Variants in NRXN1 observed in about 807,000 individuals in gnomAD.
NRXN1 encodes the protein neurexin-1.
Under a neutral mutation model 150.9 loss-of-function variants are expected in NRXN1, and 39 were observed. That is an observed-to-expected ratio of 0.26 (90% CI 0.20 to 0.34). NRXN1 has a LOEUF of 0.34. Among genes scored for constraint, NRXN1 ranks in the 10% least tolerant of loss-of-function variants. NRXN1 has a pLI of 1.00. For missense variants in NRXN1, 1,815 were observed against 1,949.9 expected, an observed-to-expected ratio of 0.93 and a Z score of 1.30; for synonymous variants, 924 against 757.0, an observed-to-expected ratio of 1.22 and a Z score of -3.62.
intron 5 of NRXN1, among the ~76,000 whole-genome samples, chr2:50,845,520 T>C (rs1014237854): frequency 1.3e-5 from 2 of 152,196 alleles, no homozygotes; most frequent in Admixed American, 6.5e-5. Context: ...TTCATGGCGT[T>C]TTTCACCATC....
At chr2:50,813,533 TAACTC>T (rs1217848983) in intron 5 of NRXN1, among the ~76,000 whole-genome samples, 1 of 152,202 alleles carries the variant, frequency 6.6e-6, no homozygotes, top group Non-Finnish European at 1.5e-5. Flanking sequence ...GGCTTAAACT[TAACTC>T]TTCTCAAAGT....
At chr2:50,886,415 A>G (rs1574829811) in intron 5 of NRXN1, among the ~76,000 whole-genome samples, 1 of 151,422 alleles carries the variant, frequency 6.6e-6, no homozygotes, top group Admixed American at 6.6e-5. Flanking sequence ...TTTGTTTTAT[A>G]TAATATTGTG....
At chr2:50,838,823 T>A (rs1672460221) in intron 5 of NRXN1, among the ~76,000 whole-genome samples, 2 of 152,050 alleles carry the variant, frequency 1.3e-5, no homozygotes, top group Admixed American at 1.3e-4. Flanking sequence ...CAGACGTCTA[T>A]CCTCCAGAAC....
At chr2:50,590,319 A>G (rs372956883) in intron 8 of NRXN1, among the ~76,000 whole-genome samples, 13 of 152,266 alleles carry the variant, frequency 8.5e-5, no homozygotes, top group African/African-American at 3.1e-4. Context: ...ATACATATAC[A>G]TACTGTTTGA....
At chr2:50,591,378 T>C (rs1015697654) in intron 8 of NRXN1, among the ~76,000 whole-genome samples, 1 of 136,196 alleles carries the variant, frequency 7.3e-6, no homozygotes, top group African/African-American at 2.7e-5. Context: ...ATACACTATA[T>C]ATCAGATAGA....
intron 18 of NRXN1, among the ~76,000 whole-genome samples, chr2:50,170,008 A>C (rs2059929662): frequency 6.6e-6 from 1 of 152,052 alleles, no homozygotes; most frequent in Admixed American, 6.6e-5. Flanking sequence ...ATTTCTGATC[A>C]TGACCCACAG....
chr2:50,278,399 C>G (rs945035217), intron 17 of NRXN1, among the ~76,000 whole-genome samples: 1 of 146,886 alleles, frequency 6.8e-6, no homozygotes, highest in Admixed American at 7.0e-5. Context: ...TGCTCCGCCC[C>G]CCTTGGCCTC....
intron 5 of NRXN1, among the ~76,000 whole-genome samples, chr2:50,683,646 A>AAATAT: frequency 3.4e-4 from 5 of 14,906 alleles, no homozygotes; most frequent in African/African-American, 1.4e-3. Flanking sequence ...AAAAAAAAAA[A>AAATAT]ATATATATAT....
At chr2:50,228,058 G>C (rs149977598) in intron 18 of NRXN1, among the ~76,000 whole-genome samples, 2,472 of 152,116 alleles carry the variant, frequency 0.016, 58 homozygotes, top group Non-Finnish European at 0.024. Flanking sequence ...AAGTGTACAA[G>C]AAGTTCCTTG....
chr2:50,242,072 C>A (rs1214620728), intron 17 of NRXN1, among the ~76,000 whole-genome samples: 1 of 151,758 alleles, frequency 6.6e-6, no homozygotes, highest in Non-Finnish European at 1.5e-5. Context: ...TTGTAGCCAA[C>A]ACGAAACATT....
chr2:50,921,972 T>C (rs1184135172), intron 4 of NRXN1, 92 bp from the exon 5 acceptor site: 4 of 638,922 alleles, frequency 6.3e-6, no homozygotes, highest in Non-Finnish European at 1.0e-5. Context: ...TATGAACATA[T>C]GTAAAGCCAC....
chr2:51,029,483 C>T (rs1671143305), intron 1 of NRXN1, among the ~76,000 whole-genome samples: 1 of 152,116 alleles, frequency 6.6e-6, no homozygotes, highest in South Asian at 2.1e-4. Flanking sequence ...TTTCTTTTCG[C>T]AAGATAGTTT....
At chr2:50,509,206 A>G (rs72880022) in intron 12 of NRXN1, among the ~76,000 whole-genome samples, 2,455 of 152,282 alleles carry the variant, frequency 0.016, 66 homozygotes, top group African/African-American at 0.056. Flanking sequence ...TCCCTGCATT[A>G]TTCAGCCTCG....
chr2:50,732,822 T>C (rs1446313108), intron 5 of NRXN1, among the ~76,000 whole-genome samples: 2 of 152,130 alleles, frequency 1.3e-5, no homozygotes, highest in Non-Finnish European at 2.9e-5. Context: ...TTAAGATCCA[T>C]GATATCTCAA....
At chr2:50,659,783 C>A (rs1204360201) in intron 5 of NRXN1, among the ~76,000 whole-genome samples, 1 of 151,030 alleles carries the variant, frequency 6.6e-6, no homozygotes, top group Non-Finnish European at 1.5e-5. Flanking sequence ...ACAGGACTTC[C>A]CTTTCTGAAA....
chr2:50,921,920 C>A, intron 4 of NRXN1, 40 bp from the exon 5 acceptor site: 1 of 1,315,224 alleles, frequency 7.6e-7, no homozygotes, highest in Non-Finnish European at 1.0e-6. Context: ...GAAAGGGTTT[C>A]CAGACAAAGA....
At chr2:50,700,948 G>A (rs974506784) in intron 5 of NRXN1, among the ~76,000 whole-genome samples, 1 of 152,032 alleles carries the variant, frequency 6.6e-6, no homozygotes, top group Non-Finnish European at 1.5e-5. Context: ...TTACAGGCGT[G>A]AGCAACTGCG....
chr2:50,539,864 G>T (rs1052567880), intron 9 of NRXN1, among the ~76,000 whole-genome samples: 2 of 152,194 alleles, frequency 1.3e-5, no homozygotes, highest in African/African-American at 4.8e-5. Flanking sequence ...AGGACAAAAA[G>T]AAGAAGTGGA....
intron 13 of NRXN1, among the ~76,000 whole-genome samples, chr2:50,498,802 A>C: frequency 6.6e-6 from 1 of 152,360 alleles, no homozygotes; most frequent in East Asian, 1.9e-4. Flanking sequence ...ATAAACTGTC[A>C]GTCACTCTCT....
Sources: gnomAD v4.1 joint callset for allele counts (sites outside exome capture counted in the v4.1 genomes callset) on GRCh38, gnomAD v4.1.1 for gene constraint, MANE v1.5 for transcripts, NCBI Gene and HGNC (gene_info 2026-07-23, HGNC 2026-07-21) for gene names.